The following DFFB variants were observed in gnomAD, a reference collection of about 807,000 sequenced individuals.
DFFB encodes the protein DNA fragmentation factor 40 kDa subunit.
A neutral mutation model predicts 32.7 loss-of-function variants in DFFB; 29 were observed. That is an observed-to-expected ratio of 0.89 (90% CI 0.66 to 1.21). The LOEUF is 1.21. Among genes scored for constraint, DFFB ranks in the 50% most tolerant of loss-of-function variants. The probability of loss-of-function intolerance (pLI) is 0.00; values close to 1 mark genes in which losing one functional copy is unlikely to be tolerated. For missense variants in DFFB, 398 were observed against 440.6 expected (o/e 0.90, Z 0.87); for synonymous variants, 170 against 177.1 (o/e 0.96, Z 0.32).
At chr1:3,867,928 C>T (rs987047223) in intron 3 of DFFB, 46 bp from the exon 4 acceptor site, 2 of 1,586,262 alleles carry the variant, frequency 1.3e-6, no homozygotes, top group Non-Finnish European at 1.7e-6. Context: ...CCCAGAGGCC[C>T]CTGGCCTGCC....
intron 2 of DFFB, among the ~76,000 whole-genome samples, chr1:3,862,503 C>G (rs554695554): frequency 6.6e-6 from 1 of 152,258 alleles, no homozygotes; most frequent in African/African-American, 2.4e-5. Context: ...GACACTGGTA[C>G]AAGGACAGAT....
At chr1:3,882,177 G>A (rs184798879) in intron 6 of DFFB, among the ~76,000 whole-genome samples, 229 of 152,096 alleles carry the variant, frequency 1.5e-3, no homozygotes, top group African/African-American at 5.3e-3. Context: ...AGCCTCCTGA[G>A]TAGTAGCTGG....
intron 6 of DFFB, among the ~76,000 whole-genome samples, chr1:3,874,551 A>G (rs576001920): frequency 2.8e-4 from 18 of 65,246 alleles, no homozygotes; most frequent in Admixed American, 1.0e-3. Context: ...TGGGTTTAAC[A>G]TGCACATACG....
At chr1:3,881,756 G>C (rs1224666979) in intron 6 of DFFB, among the ~76,000 whole-genome samples, 1 of 152,084 alleles carries the variant, frequency 6.6e-6, no homozygotes, top group Non-Finnish European at 1.5e-5. Context: ...TGTAATCCCA[G>C]CTACTCAGGA....
chr1:3,883,286 T>C (rs1431640171), intron 6 of DFFB, among the ~76,000 whole-genome samples: 1 of 152,192 alleles, frequency 6.6e-6, no homozygotes, highest in Admixed American at 6.5e-5. Context: ...ATGACAGGCG[T>C]GAGCCGCCGT....
At chr1:3,859,043 C>G (rs1410587209) in intron 2 of DFFB, among the ~76,000 whole-genome samples, 199 bp downstream of exon 2, 4 of 152,072 alleles carry the variant, frequency 2.6e-5, no homozygotes, top group Non-Finnish European at 4.4e-5. Flanking sequence ...GTTCATGAAC[C>G]CAGCTGTTCA....
Position 3,865,682 on chromosome 1 carries a change from C to A in DFFB, c.242-130C>A. 6.9e-7 allele frequency: 1 copy of A among 1,449,526 alleles called. No individual in the cohort carries two copies. Among genetic ancestry groups the A allele is most frequent in the Non-Finnish European group, 9.7e-7 (1 of 1,030,772 alleles). 89.8% of individuals were successfully genotyped at this position (1,449,526 alleles called of 1,614,324 possible). ...GCAAGGACAAAGACCCGGGACACCT[C>A]AAGTCTGAGTCCTGGTGATTGCCAG... is the stretch of plus-strand genomic sequence containing the variant. On this transcript the variant is annotated intron_variant, in intron 2 of 6. Transcript: ENST00000378209. The surrounding 1 kb of genome is among the most constrained non-coding windows in gnomAD (Gnocchi z 4.7).
intron 2 of DFFB, among the ~76,000 whole-genome samples, chr1:3,862,238 C>A (rs544734224): frequency 1.3e-5 from 2 of 152,142 alleles, no homozygotes; most frequent in Non-Finnish European, 2.9e-5. Context: ...GGATTAACAT[C>A]CCATGTTCAT....
intron 6 of DFFB, 25 bp from the exon 7 acceptor site, chr1:3,883,482 T>C (rs1288103155): frequency 6.2e-7 from 1 of 1,607,442 alleles, no homozygotes; most frequent in Admixed American, 1.7e-5. Flanking sequence ...CCACAGAAAA[T>C]GATGTCTCTA....
chr1:3,869,403 G>T (rs1227903652), intron 4 of DFFB, among the ~76,000 whole-genome samples: 1 of 152,206 alleles, frequency 6.6e-6, no homozygotes, highest in South Asian at 2.1e-4. Context: ...GGCTGGTGTG[G>T]TTCCCTCCAT....
chr1:3,865,988 C>A lies in DFFB; in HGVS notation c.418C>A (p.Pro140Thr). 1 of 1,568,080 alleles carries A rather than the reference C, an allele frequency of 6.4e-7. No individual in the cohort carries two copies. Among genetic ancestry groups the A allele is most frequent in the African/African-American group, 1.4e-5 (1 of 74,060 alleles). The change falls in exon 3 of 7, where the codon CCG becomes ACG. Residue 140 changes from proline (P) to threonine (T), a missense_variant. By Grantham distance (38) the Pro-to-Thr change is conservative. Coordinates refer to ENST00000378209, the MANE Select transcript of DFFB (RefSeq NM_004402.4). The surrounding 1 kb of genome is among the most constrained non-coding windows in gnomAD (Gnocchi z 4.7). Reference protein sequence around the residue: ...IAAETRAEDPPWFEGLESRFQ... With the variant: ...IAAETRAEDPTWFEGLESRFQ... Reference sequence around the variant, plus strand: ...GGCCGAGACCCGGGCTGAGGACCCGCCGTGGTTTGAAGGTGCGTGGGGGCT... The same window carrying A: ...GGCCGAGACCCGGGCTGAGGACCCGACGTGGTTTGAAGGTGCGTGGGGGCT...
chr1:3,865,518 T>C lies in DFFB; in HGVS notation c.242-294T>C, dbSNP rs1644959478. Reference sequence around the variant, plus strand: ...AGGAAGGGCCAAAGTGGGGGGCGTATGGTTTGGAGGGGAGGAGGCCAAATG... The same window carrying C: ...AGGAAGGGCCAAAGTGGGGGGCGTACGGTTTGGAGGGGAGGAGGCCAAATG... On this transcript the variant is annotated intron_variant, in intron 2 of 6. Transcript: ENST00000378209. The surrounding 1 kb of genome is among the most constrained non-coding windows in gnomAD (Gnocchi z 4.7). 3.7e-6 allele frequency: 2 copies of C among 536,518 alleles called. No individual in the cohort carries two copies. The highest frequency in any genetic ancestry group is 6.7e-6 in the Non-Finnish European group (2 of 296,802). The allele number at this position is 536,518 out of a possible 1,614,324, so 33.2% of individuals were successfully genotyped here.
At chr1:3,876,080 C>A (rs1645216240) in intron 6 of DFFB, among the ~76,000 whole-genome samples, 1 of 152,170 alleles carries the variant, frequency 6.6e-6, no homozygotes, top group East Asian at 1.9e-4. Context: ...GCCTGGCCCA[C>A]AACAAGTTTT....
chr1:3,859,662 G>T (rs1644841173), intron 2 of DFFB, among the ~76,000 whole-genome samples: 1 of 152,204 alleles, frequency 6.6e-6, no homozygotes. Flanking sequence ...AGTGTTGGGG[G>T]CTCCACTGTC....
At position 3,858,793 on chromosome 1, in the gene DFFB, C is replaced by G; in HGVS notation, c.190C>G (p.Pro64Ala). 6.2e-7 allele frequency: 1 copy of G among 1,614,106 alleles called. No homozygotes were observed. The highest frequency in any genetic ancestry group is 8.5e-7 in the Non-Finnish European group (1 of 1,180,048). Reference protein sequence around the residue: ...ELTEDYFPSVPDNAELVLLTL... With the variant: ...ELTEDYFPSVADNAELVLLTL... ...GACGGAAGATTACTTCCCCAGTGTT[C>G]CCGACAACGCCGAGCTGGTGCTGCT... Residue 64 changes from proline (P) to alanine (A), a missense_variant, in exon 2 of 7, where the codon CCC becomes GCC. Pro to Ala is a conservative substitution (Grantham distance 27). Coordinates refer to ENST00000378209, the MANE Select transcript of DFFB (RefSeq NM_004402.4).
At position 3,872,468 on chromosome 1, in the gene DFFB, C is replaced by T. The variant is rs1645138108; in HGVS notation, c.682-4C>T. The stretch of plus-strand genomic sequence containing the variant: ...GCCTTCCCTCATTGTCTTTTGGCCC[C>T]CAGGGTCCCTTTGACATGGACAGCT... On this transcript the variant is annotated splice_polypyrimidine_tract_variant and splice_region_variant and intron_variant, in intron 5 of 6. Transcript: ENST00000378209. The T allele has an allele frequency of 1.2e-6, 2 of 1,613,338 alleles. No individual in the cohort carries two copies. Among genetic ancestry groups the T allele is most frequent in the African/African-American group, 1.3e-5 (1 of 74,904 alleles).
In DFFB at chr1:3,872,472, G is replaced by T; in HGVS notation, c.682G>T (p.Gly228Cys). ...TCCCTCATTGTCTTTTGGCCCCCAG[G>T]GTCCCTTTGACATGGACAGCTGCTT... ...CTPEGWFSCQ[G>C]PFDMDSCLSR... The change falls in exon 6 of 7, where the codon GGT becomes TGT. Residue 228 changes from glycine to cysteine, a missense_variant and splice_region_variant. Coordinates refer to ENST00000378209, the MANE Select transcript of DFFB (RefSeq NM_004402.4). 6.2e-7 allele frequency: 1 copy of T among 1,613,088 alleles called. No individual in the cohort carries two copies. The highest frequency in any genetic ancestry group is 1.1e-5 in the South Asian group (1 of 91,030).
chr1:3,866,961 T>C (rs61423356), intron 3 of DFFB, among the ~76,000 whole-genome samples: 4,299 of 152,232 alleles, frequency 0.028, 219 homozygotes, highest in African/African-American at 0.098. Context: ...AGTGGCGCGA[T>C]CTTGGCTCAC....
chr1:3,870,231 G>A (rs144739044), intron 5 of DFFB, among the ~76,000 whole-genome samples: 1 of 152,312 alleles, frequency 6.6e-6, no homozygotes, highest in Non-Finnish European at 1.5e-5. Context: ...TGTCTCTGGC[G>A]AGTCCTGGGC....
Sources: gnomAD v4.1 joint callset for allele counts (sites outside exome capture counted in the v4.1 genomes callset) on GRCh38, gnomAD v4.1.1 for gene constraint, Gnocchi (gnomAD v3.1) non-coding constraint, MANE v1.5 for transcripts, NCBI Gene and HGNC (gene_info 2026-07-23, HGNC 2026-07-21) for gene names.